Variants in RCL1 observed in about 807,000 individuals in gnomAD.
RCL1 encodes RNA 3'-terminal phosphate cyclase-like protein.
A neutral mutation model predicts 42.4 loss-of-function variants in RCL1; 24 were observed. The observed-to-expected ratio is 0.57, with a 90% CI of 0.41 to 0.80. The LOEUF (loss-of-function observed/expected upper bound fraction) is 0.80. Among genes scored for constraint, RCL1 ranks in the 30% least tolerant of loss-of-function variants. The pLI is 0.00. For synonymous variants in RCL1, 228 were observed against 177.3 expected (o/e 1.29, Z -2.27); for missense variants, 578 against 467.9 (o/e 1.24, Z -2.17).
At chr9:4,816,426 T>C (rs890881408) in intron 1 of RCL1, among the ~76,000 whole-genome samples, 2 of 152,240 alleles carry the variant, frequency 1.3e-5, no homozygotes, top group Admixed American at 6.5e-5. Context: ...AACTCTGTGT[T>C]ACATTTAGCA....
chr9:4,831,148 C>T (rs1816928625), intron 3 of RCL1, among the ~76,000 whole-genome samples: 1 of 152,150 alleles, frequency 6.6e-6, no homozygotes, highest in African/African-American at 2.4e-5. Flanking sequence ...TGTCCCACCG[C>T]ACCAAGTTGC....
intron 5 of RCL1, 31 bp downstream of exon 5, chr9:4,834,296 T>C (rs755583736): frequency 1.3e-6 from 2 of 1,590,542 alleles, no homozygotes; most frequent in South Asian, 1.1e-5. Flanking sequence ...GATTTCTTTT[T>C]TTTTTGTTGT....
rs532808128 is a variant in RCL1, at chr9:4,858,280, C to G, written c.972-1845C>G. 1.1e-3 allele frequency among the ~76,000 whole-genome samples: 164 copies of G among 152,166 alleles called. 1 individual carries two copies. Among genetic ancestry groups the G allele is most frequent in the African/African-American group, 3.7e-3 (154 of 41,510 alleles). ...TTTATCAGATATATGACTTGCAGATCTTTTCTCCAATCCTGTAGGTTGTTT... is the reference window on the plus strand; with the variant it reads ...TTTATCAGATATATGACTTGCAGATGTTTTCTCCAATCCTGTAGGTTGTTT... On this transcript the variant is annotated intron_variant, in intron 8 of 8. Transcript: ENST00000381750.
intron 5 of RCL1, among the ~76,000 whole-genome samples, chr9:4,838,489 G>C (rs1432976128): frequency 6.6e-6 from 1 of 152,210 alleles, no homozygotes; most frequent in Admixed American, 6.5e-5. Context: ...TGGCAGTAAA[G>C]GGGGATAAGT....
chr9:4,827,126 T>C, intron 3 of RCL1, 93 bp downstream of exon 3: 1 of 1,576,274 alleles, frequency 6.3e-7, no homozygotes, highest in Non-Finnish European at 8.6e-7. Context: ...AGGCACAGTT[T>C]TATTACAAAT....
At chr9:4,796,535 A>ACAG (rs1842916983) in intron 1 of RCL1, among the ~76,000 whole-genome samples, 1 of 152,182 alleles carries the variant, frequency 6.6e-6, no homozygotes, top group African/African-American at 2.4e-5. Context: ...AGCTGGAACT[A>ACAG]CAGATGTGTA....
intron 1 of RCL1, among the ~76,000 whole-genome samples, chr9:4,801,567 GTCT>G (rs1248234210): frequency 6.6e-6 from 1 of 152,042 alleles, no homozygotes; most frequent in Non-Finnish European, 1.5e-5. Context: ...TGTGCACCTT[GTCT>G]TCTTATTATC....
At chr9:4,824,440 G>A (rs181986302) in intron 2 of RCL1, among the ~76,000 whole-genome samples, 1 of 147,138 alleles carries the variant, frequency 6.8e-6, no homozygotes, top group African/African-American at 2.5e-5. Flanking sequence ...AGCACATGCA[G>A]GTCTTCCTTA....
intron 8 of RCL1, among the ~76,000 whole-genome samples, chr9:4,854,524 C>T (rs1817866913): frequency 6.6e-6 from 1 of 152,076 alleles, no homozygotes; most frequent in African/African-American, 2.4e-5. Flanking sequence ...GACGCAGGAC[C>T]CTCTGTTGTG....
chr9:4,833,709 G>A (rs7020401), intron 4 of RCL1, among the ~76,000 whole-genome samples: 78 of 152,278 alleles, frequency 5.1e-4, no homozygotes, highest in Middle Eastern at 3.4e-3. Context: ...GTGGTAAACC[G>A]TTTAGCATCT....
intron 3 of RCL1, among the ~76,000 whole-genome samples, chr9:4,827,967 A>T (rs1014234732): frequency 1.3e-5 from 2 of 152,018 alleles, no homozygotes; most frequent in Non-Finnish European, 2.9e-5. Context: ...CGGGCAGATC[A>T]TGAGGTCAGG....
chr9:4,820,142 T>C (rs1053737592), intron 1 of RCL1, among the ~76,000 whole-genome samples: 9 of 152,174 alleles, frequency 5.9e-5, no homozygotes, highest in African/African-American at 2.2e-4. Flanking sequence ...TGTAGTAAAA[T>C]TGTGCTTGTT....
intron 8 of RCL1, among the ~76,000 whole-genome samples, chr9:4,850,830 C>A (rs1817718307): frequency 6.6e-6 from 1 of 151,928 alleles, no homozygotes; most frequent in South Asian, 2.1e-4. Flanking sequence ...AGCTGTGTGG[C>A]CACTGTGGCC....
Position 4,797,898 on chromosome 9 carries a change from T to A in RCL1, c.136+4671T>A, listed in dbSNP as rs1004997425. ...ACCCCAAAGAAGGATGGTCCCGGGC[T>A]GGTGATTATAATTGTCCAGCCACAT... is the stretch of plus-strand genomic sequence containing the variant. On this transcript the variant is annotated intron_variant, in intron 1 of 8. Transcript: ENST00000381750. 2.6e-5 allele frequency among the ~76,000 whole-genome samples: 4 copies of A among 152,234 alleles called. No individual in the cohort carries two copies. The East Asian group carries it at 7.7e-4, about 29-fold the overall frequency.
intron 1 of RCL1, among the ~76,000 whole-genome samples, chr9:4,811,084 G>C (rs1471388807): frequency 6.6e-6 from 1 of 151,926 alleles, no homozygotes; most frequent in Non-Finnish European, 1.5e-5. Flanking sequence ...ATATACACCA[G>C]CCTGGGCAAC....
chr9:4,813,171 T>G (rs1301620599), intron 1 of RCL1, among the ~76,000 whole-genome samples: 2 of 152,166 alleles, frequency 1.3e-5, no homozygotes, highest in East Asian at 3.8e-4. Context: ...GGAAAAGCTT[T>G]AAAATTTCCC....
intron 3 of RCL1, among the ~76,000 whole-genome samples, chr9:4,827,839 G>A (rs914032480): frequency 6.6e-6 from 1 of 151,760 alleles, no homozygotes; most frequent in Non-Finnish European, 1.5e-5. Context: ...CTCCCTTGTA[G>A]GAAGGGGTGG....
intron 5 of RCL1, among the ~76,000 whole-genome samples, chr9:4,840,042 T>TAACAACAACAACAAC (rs1329489376): frequency 4.6e-5 from 7 of 151,824 alleles, no homozygotes; most frequent in African/African-American, 1.7e-4. Context: ...CTGGGGGCTC[T>TAACAACAACAACAAC]AACAACAAGA....
chr9:4,806,719 T>C (rs1043530978), intron 1 of RCL1, among the ~76,000 whole-genome samples: 1 of 151,202 alleles, frequency 6.6e-6, no homozygotes, highest in Non-Finnish European at 1.5e-5. Context: ...AATATTGCTC[T>C]GTAGTTTTTT....
Sources: allele counts gnomAD v4.1 joint callset (sites outside exome capture counted in the v4.1 genomes callset), GRCh38; gene constraint gnomAD v4.1.1; transcripts MANE v1.5; gene names NCBI Gene and HGNC (gene_info 2026-07-23, HGNC 2026-07-21).